The following SMOC1 variants were observed in gnomAD, a reference collection of about 807,000 sequenced individuals.
SMOC1 encodes the protein SPARC related modular calcium binding 1, also known as SPARC-related modular calcium-binding protein 1.
A neutral mutation model predicts 56.3 loss-of-function variants in SMOC1; 22 were observed. The observed-to-expected ratio is 0.39, with a 90% CI of 0.28 to 0.56. The LOEUF (loss-of-function observed/expected upper bound fraction) is 0.56. Among genes scored for constraint, SMOC1 ranks in the 20% least tolerant of loss-of-function variants. SMOC1 has a pLI of 0.61. For synonymous variants in SMOC1, 193 were observed against 215.0 expected (o/e 0.90, Z 0.89); for missense variants, 509 against 565.4 (o/e 0.90, Z 1.01).
chr14:69,888,384 G>T (rs1365269790), intron 1 of SMOC1, among the ~76,000 whole-genome samples: 1 of 152,170 alleles, frequency 6.6e-6, no homozygotes, highest in Non-Finnish European at 1.5e-5. Context: ...AGCTTGTTAG[G>T]TATGGAGCTC....
Position 70,010,781 on chromosome 14 carries a change from G to A in SMOC1, c.692G>A (p.Arg231Lys). The change falls in exon 8 of 12, where the codon AGG (arginine) becomes AAG (lysine). Residue 231 changes from arginine (R) to lysine (K), a missense_variant. Transcript: ENST00000361956. ...SEKVYSCDQERQSALEEAQQN... is the reference protein window; with the variant it reads ...SEKVYSCDQEKQSALEEAQQN... ...AAAGTCTATTCGTGTGACCAGGAGA[G>A]GCAGAGTGCCCTGGAAGAGGCCCAG... 6.2e-7 allele frequency: 1 copy of A among 1,614,224 alleles called. No individual in the cohort carries two copies. Among genetic ancestry groups the A allele is most frequent in the Non-Finnish European group, 8.5e-7 (1 of 1,180,046 alleles).
At chr14:70,019,864 C>A (rs558034205) in intron 10 of SMOC1, among the ~76,000 whole-genome samples, 1 of 152,362 alleles carries the variant, frequency 6.6e-6, no homozygotes, top group East Asian at 1.9e-4. Flanking sequence ...CCTGCTGGAT[C>A]TAAGTCTTAG....
chr14:69,956,705 G>A (rs1883200351), intron 3 of SMOC1, among the ~76,000 whole-genome samples: 1 of 152,012 alleles, frequency 6.6e-6, no homozygotes, highest in Non-Finnish European at 1.5e-5. Flanking sequence ...GGACTCGCTG[G>A]CCTCTGTTCT....
At chr14:69,922,560 C>T (rs770932492) in intron 1 of SMOC1, among the ~76,000 whole-genome samples, 11 of 152,284 alleles carry the variant, frequency 7.2e-5, no homozygotes, top group South Asian at 6.2e-4. Context: ...TGGCCAGCAT[C>T]GTTGGCATCA....
At chr14:69,982,763 C>T (rs1345937536) in intron 5 of SMOC1, among the ~76,000 whole-genome samples, 3 of 152,242 alleles carry the variant, frequency 2.0e-5, no homozygotes, top group African/African-American at 7.2e-5. Flanking sequence ...TGTAGCTGAT[C>T]TCTTAGCATT....
intron 7 of SMOC1, among the ~76,000 whole-genome samples, chr14:70,006,335 A>G (rs1251657283): frequency 1.3e-5 from 2 of 152,230 alleles, no homozygotes; most frequent in African/African-American, 4.8e-5. Context: ...CACATGGTAA[A>G]TACTCAAATA....
At chr14:69,967,802 TC>T (rs1298477486) in intron 3 of SMOC1, among the ~76,000 whole-genome samples, 1 of 152,196 alleles carries the variant, frequency 6.6e-6, no homozygotes, top group Non-Finnish European at 1.5e-5. Flanking sequence ...TACACTGAGG[TC>T]TTTTTGTCTC....
chr14:69,938,971 G>A (rs1882442001), intron 1 of SMOC1, among the ~76,000 whole-genome samples: 1 of 152,118 alleles, frequency 6.6e-6, no homozygotes, highest in Non-Finnish European at 1.5e-5. Context: ...CACGCATGTC[G>A]CTGTGTTCAT....
intron 7 of SMOC1, 25 bp downstream of exon 7, chr14:69,994,505 T>C: frequency 6.4e-7 from 1 of 1,571,982 alleles, no homozygotes; most frequent in East Asian, 2.2e-5. Context: ...TTGGATTATA[T>C]ATGTACCCAG....
chr14:69,887,230 G>A (rs919564420), intron 1 of SMOC1, among the ~76,000 whole-genome samples: 2 of 152,096 alleles, frequency 1.3e-5, no homozygotes, highest in South Asian at 2.1e-4. Context: ...AAAAGATACA[G>A]TAACTTATAA....
At chr14:69,994,335 G>GTTACAC (rs1884684872) in intron 6 of SMOC1, 65 bp from the exon 7 acceptor site, 1 of 1,280,536 alleles carries the variant, frequency 7.8e-7, no homozygotes, top group South Asian at 1.2e-5. Context: ...GAAGTCTGAG[G>GTTACAC]TTACACTTCC....
Position 69,935,647 on chromosome 14 carries a change from CT to C in SMOC1, c.100-16490del, listed in dbSNP as rs1885276683. Among the ~76,000 whole-genome samples the C allele has an allele frequency of 2.0e-5, 3 of 152,180 alleles. No homozygotes were observed. The South Asian group carries it at 6.2e-4, about 31-fold the overall frequency. On this transcript the variant is annotated intron_variant, in intron 1 of 11. Coordinates refer to ENST00000361956, the MANE Select transcript of SMOC1 (RefSeq NM_001034852.3). ...TGTGACCCAGACCAAGAAGAACCTC[CT>C]CCAAGGAGCTTGCTACATGTGGGTG...
At chr14:69,897,554 G>A (rs1188364624) in intron 1 of SMOC1, among the ~76,000 whole-genome samples, 1 of 149,038 alleles carries the variant, frequency 6.7e-6, no homozygotes, top group Non-Finnish European at 1.5e-5. Context: ...TTTTCTTAGT[G>A]TAGCAATTAT....
intron 3 of SMOC1, among the ~76,000 whole-genome samples, chr14:69,955,508 C>A (rs2139447368): frequency 6.6e-6 from 1 of 151,916 alleles, no homozygotes; most frequent in African/African-American, 2.4e-5. Flanking sequence ...TGTTAATGAT[C>A]ATTATTATAG....
intron 1 of SMOC1, among the ~76,000 whole-genome samples, chr14:69,881,277 T>G (rs551217690): frequency 3.7e-4 from 57 of 152,080 alleles, no homozygotes; most frequent in Non-Finnish European, 6.2e-4. Flanking sequence ...CTCCAATAAT[T>G]AGGAACAGTC....
intron 7 of SMOC1, 117 bp downstream of exon 7, chr14:69,994,597 T>C: frequency 1.2e-6 from 1 of 819,966 alleles, no homozygotes; most frequent in South Asian, 1.4e-5. Flanking sequence ...GGTTGTCAAT[T>C]TCTATAGCTA....
intron 1 of SMOC1, among the ~76,000 whole-genome samples, chr14:69,918,694 T>C (rs1884752800): frequency 6.6e-6 from 1 of 152,226 alleles, no homozygotes; most frequent in African/African-American, 2.4e-5. Context: ...AGGACTGTTT[T>C]AAGGTTTAAA....
At chr14:70,005,689 C>T (rs1326548246) in intron 7 of SMOC1, among the ~76,000 whole-genome samples, 1 of 152,142 alleles carries the variant, frequency 6.6e-6, no homozygotes, top group African/African-American at 2.4e-5. Context: ...AAACTTTAAC[C>T]ACTCATTGCC....
intron 1 of SMOC1, among the ~76,000 whole-genome samples, chr14:69,903,627 A>G (rs1467347450): frequency 1.3e-5 from 2 of 152,176 alleles, no homozygotes; most frequent in Non-Finnish European, 2.9e-5. Flanking sequence ...TCTCTGAAAC[A>G]TGTGCTGTGT....
Sources: gnomAD v4.1 joint callset for allele counts (sites outside exome capture counted in the v4.1 genomes callset) on GRCh38, gnomAD v4.1.1 for gene constraint, MANE v1.5 for transcripts, NCBI Gene and HGNC (gene_info 2026-07-23, HGNC 2026-07-21) for gene names.